The following GRIN2A variants were observed in gnomAD, a reference collection of about 807,000 sequenced individuals.
GRIN2A encodes glutamate receptor ionotropic, NMDA 2A.
In GRIN2A, 22 loss-of-function variants were observed where a neutral mutation model predicts 113.4. That is an observed-to-expected ratio of 0.19 (90% CI 0.14 to 0.28). GRIN2A has a LOEUF of 0.28. Ranked by LOEUF, GRIN2A falls within the 10% of genes least tolerant of loss-of-function variation. GRIN2A has a pLI of 1.00. For missense variants in GRIN2A, 1,502 were observed against 1,887.0 expected (o/e 0.80, Z 3.78); for synonymous variants, 827 against 738.4 (o/e 1.12, Z -1.94).
chr16:9,876,046 T>C (rs1013612504), intron 4 of GRIN2A, among the ~76,000 whole-genome samples: 1 of 152,168 alleles, frequency 6.6e-6, no homozygotes, highest in African/African-American at 2.4e-5. Flanking sequence ...GCCCAGGCTC[T>C]AAACCCCCTC....
intron 2 of GRIN2A, among the ~76,000 whole-genome samples, chr16:10,177,952 G>A (rs531830037): frequency 1.1e-4 from 16 of 152,156 alleles, no homozygotes; most frequent in Non-Finnish European, 2.1e-4. Context: ...AGAAGTAAGA[G>A]CCAAAGCCTA....
intron 2 of GRIN2A, among the ~76,000 whole-genome samples, chr16:10,175,693 T>C (rs530055838): frequency 5.4e-4 from 82 of 152,294 alleles, no homozygotes; most frequent in South Asian, 2.5e-3. Flanking sequence ...GAGGCTTGCA[T>C]AGGAATAACA....
intron 4 of GRIN2A, among the ~76,000 whole-genome samples, chr16:9,853,372 C>G (rs1364846795): frequency 6.6e-6 from 1 of 152,054 alleles, no homozygotes; most frequent in Non-Finnish European, 1.5e-5. Context: ...GAAGGTGGAG[C>G]CCTCATGAAT....
intron 2 of GRIN2A, chr16:10,027,426 T>G (rs2046845121): frequency 1.3e-5 from 2 of 152,270 alleles, no homozygotes; most frequent in Non-Finnish European, 2.9e-5. Context: ...AGAAGCAACA[T>G]CCACAGCCAC....
At position 10,054,167 on chromosome 16, in the gene GRIN2A, C is replaced by T. The variant is rs537966195; in HGVS notation, c.415-115616G>A. On this transcript the variant is annotated intron_variant, in intron 2 of 12. Transcript: ENST00000330684. ...AAGCAGAAACCAAAAGTAAACCAAG[C>T]GAAAAAAAAGAAGCCAAATAAAACT... Among the ~76,000 whole-genome samples, 25 of 151,094 alleles carry T rather than the reference C, an allele frequency of 1.7e-4. No individual in the cohort carries two copies. The South Asian group carries it at 3.8e-3, about 23-fold the overall frequency.
At chr16:10,150,259 C>T (rs767312985) in intron 2 of GRIN2A, among the ~76,000 whole-genome samples, 1 of 152,174 alleles carries the variant, frequency 6.6e-6, no homozygotes, top group Non-Finnish European at 1.5e-5. Flanking sequence ...TTTGATCAAC[C>T]TCTCAGTTGA....
intron 2 of GRIN2A, among the ~76,000 whole-genome samples, chr16:10,075,980 C>T (rs897300757): frequency 2.0e-5 from 3 of 152,150 alleles, no homozygotes; most frequent in African/African-American, 4.8e-5. Flanking sequence ...TGAGAAAATC[C>T]AAACCACTCC....
intron 2 of GRIN2A, among the ~76,000 whole-genome samples, chr16:10,015,714 A>G (rs1376902568): frequency 6.6e-6 from 1 of 152,234 alleles, no homozygotes; most frequent in Non-Finnish European, 1.5e-5. Flanking sequence ...TTTATTGGGA[A>G]CATACTATTT....
At chr16:10,029,055 T>C (rs1260667432) in intron 2 of GRIN2A, among the ~76,000 whole-genome samples, 2 of 152,204 alleles carry the variant, frequency 1.3e-5, no homozygotes, top group Non-Finnish European at 2.9e-5. Context: ...CAGAGGGATC[T>C]CACTTTCCCA....
At chr16:10,158,763 T>A (rs909042780) in intron 2 of GRIN2A, among the ~76,000 whole-genome samples, 1 of 151,482 alleles carries the variant, frequency 6.6e-6, no homozygotes. Flanking sequence ...GCTGGAGGGG[T>A]GGGGAAATAG....
At chr16:9,775,747 A>G (rs1901557446) in intron 11 of GRIN2A, among the ~76,000 whole-genome samples, 1 of 152,158 alleles carries the variant, frequency 6.6e-6, no homozygotes, top group Admixed American at 6.5e-5. Context: ...TGTAGTGAAC[A>G]CCCAACTATT....
chr16:10,075,787 T>G (rs28540790), intron 2 of GRIN2A, among the ~76,000 whole-genome samples: 21,271 of 152,068 alleles, frequency 0.14, 2,004 homozygotes, highest in African/African-American at 0.27. Flanking sequence ...ATTCATCTCG[T>G]CAATATCTAA....
intron 2 of GRIN2A, among the ~76,000 whole-genome samples, chr16:10,000,057 C>T (rs1203740446): frequency 1.3e-5 from 2 of 152,114 alleles, no homozygotes; most frequent in Non-Finnish European, 1.5e-5. Flanking sequence ...GTTTCCTCTA[C>T]CTTCACTATA....
In GRIN2A at chr16:9,755,598, C is replaced by A. The variant is rs1900319296; in HGVS notation, c.*7551G>T. On this transcript the variant is annotated 3_prime_UTR_variant, in exon 13 of 13. Transcript: ENST00000330684. ...TAGTGTCCTCATCCATCAAATGGGC[C>A]TAATGCACCCCTCACCTCTCAGTAA... is the stretch of plus-strand genomic sequence containing the variant. 1 of 184,932 alleles carries A rather than the reference C, an allele frequency of 5.4e-6. No homozygotes were observed. Among genetic ancestry groups the A allele is most frequent in the Non-Finnish European group, 1.1e-5 (1 of 87,334 alleles). The allele number at this position is 184,932 out of a possible 1,614,324, so 11.5% of individuals were successfully genotyped here. A position where few individuals can be genotyped will look rare whatever the true frequency, so the allele number is the denominator to read the frequency against.
chr16:10,024,092 A>G (rs2046774006), intron 2 of GRIN2A, among the ~76,000 whole-genome samples: 1 of 152,102 alleles, frequency 6.6e-6, no homozygotes, highest in Admixed American at 6.5e-5. Context: ...CATGGCATTC[A>G]CCTCTCCCTA....
At chr16:10,002,729 A>T (rs2046341888) in intron 2 of GRIN2A, among the ~76,000 whole-genome samples, 1 of 152,200 alleles carries the variant, frequency 6.6e-6, no homozygotes, top group Admixed American at 6.5e-5. Flanking sequence ...ATACAACTTG[A>T]TGTTGCCAGC....
chr16:9,788,868 G>A (rs1165017369), intron 11 of GRIN2A, among the ~76,000 whole-genome samples: 3 of 151,080 alleles, frequency 2.0e-5, no homozygotes, highest in South Asian at 2.1e-4. Context: ...TCAGCCTCCT[G>A]AGTAGCTGGG....
chr16:9,992,520 G>A (rs1217411626), intron 2 of GRIN2A, among the ~76,000 whole-genome samples: 3 of 152,198 alleles, frequency 2.0e-5, no homozygotes, highest in African/African-American at 4.8e-5. Context: ...TTAAGGAGAA[G>A]GTGTCCGTGG....
intron 12 of GRIN2A, among the ~76,000 whole-genome samples, 183 bp from the exon 13 acceptor site, chr16:9,765,131 A>C (rs542258202): frequency 5.2e-4 from 79 of 152,312 alleles, no homozygotes; most frequent in African/African-American, 1.8e-3. Flanking sequence ...TGCAAAGCAT[A>C]GGGTTTATCT....
Sources: gnomAD v4.1 joint callset for allele counts (sites outside exome capture counted in the v4.1 genomes callset) on GRCh38, gnomAD v4.1.1 for gene constraint, MANE v1.5 for transcripts, NCBI Gene and HGNC (gene_info 2026-07-23, HGNC 2026-07-21) for gene names.